Variants in PEDS1 observed in about 807,000 individuals in gnomAD.
The protein encoded by PEDS1 is CarF homolog.
In PEDS1, 14 loss-of-function variants were observed where a neutral mutation model predicts 35.2. The ratio of observed to expected loss-of-function variants is 0.40; its 90% CI spans 0.26 to 0.62. The LOEUF is 0.62. Among genes scored for constraint, PEDS1 ranks in the 20% least tolerant of loss-of-function variants. The pLI is 0.44. For missense variants in PEDS1, 260 were observed against 367.8 expected, an observed-to-expected ratio of 0.71 and a Z score of 2.40; for synonymous variants, 152 against 152.0, an observed-to-expected ratio of 1.00 and a Z score of 0.00.
At chr20:50,153,477 C>T in intron 1 of PEDS1, 40 bp downstream of exon 1, 1 of 1,305,052 alleles carries the variant, frequency 7.7e-7, no homozygotes, top group Non-Finnish European at 9.8e-7. Context: ...GCAGCCGGGG[C>T]TGGTGACCGC....
At position 50,142,691 on chromosome 20, in the gene PEDS1, C is replaced by CG. The variant is rs938727901; in HGVS notation, c.241+810_241+811insC. Among the ~76,000 whole-genome samples, 38 of 100,620 alleles carry CG rather than the reference C, an allele frequency of 3.8e-4. 6 individuals carry two copies. Among genetic ancestry groups the CG allele is most frequent in the African/African-American group, 9.8e-4 (27 of 27,514 alleles). 66.0% of individuals were successfully genotyped at this position (100,620 alleles called of 152,430 possible). On this transcript the variant is annotated intron_variant, in intron 2 of 5. Transcript: ENST00000371652. The stretch of plus-strand genomic sequence containing the variant: ...TGACCTCAAGTCATCCGCCCCCCCC[C>CG]CCCCGCCCCAACGGCCTCCCACAGT...
chr20:50,151,300 CAG>C (rs1434647905), intron 1 of PEDS1: 1 of 1,304,258 alleles, frequency 7.7e-7, no homozygotes, highest in South Asian at 1.2e-5. Flanking sequence ...GGCTGTTCTT[CAG>C]AGAGTGAAGG....
intron 2 of PEDS1, among the ~76,000 whole-genome samples, chr20:50,136,799 G>T (rs1432278216): frequency 6.6e-6 from 1 of 151,522 alleles, no homozygotes; most frequent in African/African-American, 2.4e-5. Flanking sequence ...CACTTTGGGA[G>T]GCCACGGTGG....
At chr20:50,142,503 T>C (rs112790553) in intron 2 of PEDS1, among the ~76,000 whole-genome samples, 1 of 152,278 alleles carries the variant, frequency 6.6e-6, no homozygotes, top group African/African-American at 2.4e-5. Context: ...TGTGGCGTGA[T>C]CTTGGCTCAC....
intron 2 of PEDS1, among the ~76,000 whole-genome samples, chr20:50,131,472 A>T (rs1353083766): frequency 6.6e-6 from 1 of 152,002 alleles, no homozygotes; most frequent in Admixed American, 6.6e-5. Flanking sequence ...AATCACAAAA[A>T]TTAGCCAGGT....
Position 50,124,590 on chromosome 20 carries a change from C to A in PEDS1, c.*468G>T. 6.4e-6 allele frequency: 1 copy of A among 157,038 alleles called. No individual in the cohort carries two copies. The highest frequency in any genetic ancestry group is 1.9e-4 in the South Asian group (1 of 5,302). The allele number at this position is 157,038 out of a possible 1,614,324, so 9.7% of individuals were successfully genotyped here. ...TGAAGGTGGTGGCTGGGGCTGTCCA[C>A]CTGCCCAGCCTCCCGGGGTCAGTAT... On this transcript the variant is annotated 3_prime_UTR_variant, in exon 6 of 6. Coordinates refer to ENST00000371652, the MANE Select transcript of PEDS1 (RefSeq NM_199129.4).
rs1438714879 is a variant in PEDS1 at position 50,125,041 on chromosome 20, T to C, written c.*17A>G. Reference sequence around the variant, plus strand: ...GGGCTAGGGAAGGTTGGCAACCAGGTAGCAGGCTCGGAGAAGTTATTTGAT... The same window carrying C: ...GGGCTAGGGAAGGTTGGCAACCAGGCAGCAGGCTCGGAGAAGTTATTTGAT... On this transcript the variant is annotated 3_prime_UTR_variant, in exon 6 of 6. Coordinates refer to ENST00000371652, the MANE Select transcript of PEDS1 (RefSeq NM_199129.4). 2 of 1,612,470 alleles carry C rather than the reference T, an allele frequency of 1.2e-6. No individual in the cohort carries two copies. The highest frequency in any genetic ancestry group is 2.2e-5 in the East Asian group (1 of 44,808).
At chr20:50,131,328 G>C (rs911788616) in intron 2 of PEDS1, among the ~76,000 whole-genome samples, 17 of 152,338 alleles carry the variant, frequency 1.1e-4, no homozygotes, top group African/African-American at 4.1e-4. Context: ...GTGTTAGAAA[G>C]AAAGTACCTC....
chr20:50,139,909 A>C (rs766667692), intron 2 of PEDS1, among the ~76,000 whole-genome samples: 32 of 151,834 alleles, frequency 2.1e-4, no homozygotes, highest in Non-Finnish European at 4.3e-4. Context: ...TACAGGTGTG[A>C]ACCACCATGC....
At chr20:50,150,503 C>T (rs1045467647) in intron 1 of PEDS1, among the ~76,000 whole-genome samples, 1 of 152,150 alleles carries the variant, frequency 6.6e-6, no homozygotes, top group African/African-American at 2.4e-5. Flanking sequence ...TCAGGCCTCA[C>T]TTCGAATGTC....
At chr20:50,130,989 C>T (rs2081172432) in intron 2 of PEDS1, 42 bp from the exon 3 acceptor site, 1 of 1,614,004 alleles carries the variant, frequency 6.2e-7, no homozygotes, top group African/African-American at 1.3e-5. Flanking sequence ...CCTGCACCCC[C>T]CCAATCAGAA....
At chr20:50,153,258 A>G (rs1437806676) in intron 1 of PEDS1, among the ~76,000 whole-genome samples, 1 of 151,484 alleles carries the variant, frequency 6.6e-6, no homozygotes, top group East Asian at 1.9e-4. Flanking sequence ...GTCCGATGGG[A>G]GCTCCGTTTG....
At chr20:50,153,248 G>T (rs961017457) in intron 1 of PEDS1, among the ~76,000 whole-genome samples, 17 of 152,152 alleles carry the variant, frequency 1.1e-4, no homozygotes, top group African/African-American at 3.9e-4. Flanking sequence ...GTATCTGCGG[G>T]TCCGATGGGA....
At position 50,129,594 on chromosome 20, in the gene PEDS1, G is replaced by A. The variant is rs1002822272; in HGVS notation, c.430C>T (p.Leu144=). 4 of 1,614,010 alleles carry A rather than the reference G, an allele frequency of 2.5e-6. No individual in the cohort carries two copies. The highest frequency in any genetic ancestry group is 2.7e-5 in the African/African-American group (2 of 74,902). The change falls in exon 4 of 6, where the codon CTG becomes TTG. Residue 144 remains leucine (L), a synonymous_variant. Transcript: ENST00000371652. This position sits in a 1 kb window ranked among gnomAD's most constrained non-coding sequence, Gnocchi z 4.2. ...TAGGCCATGTTTAGCAGCGGCAGCA[G>A]TGTCACCAGGCAGTTGTCCCCGTTG... The part of the protein sequence containing the change: ...ETNGDNCLVT[L]LPLLNMAYKF...
Position 50,128,966 on chromosome 20 carries a change from C to G in PEDS1, c.478+580G>C, listed in dbSNP as rs999036143. ...GTGCCATAGCACCCACTACACTACA[C>G]GTCCTCACCACCTCTACCCACCGGA... On this transcript the variant is annotated intron_variant, in intron 4 of 5. Transcript: ENST00000371652. This position sits in a 1 kb window ranked among gnomAD's most constrained non-coding sequence, Gnocchi z 5.2. Among the ~76,000 whole-genome samples the G allele has an allele frequency of 6.6e-6, 1 of 152,198 alleles. No homozygotes were observed.
intron 2 of PEDS1, among the ~76,000 whole-genome samples, chr20:50,143,126 G>A (rs187106441): frequency 3.3e-5 from 5 of 152,270 alleles, no homozygotes; most frequent in Non-Finnish European, 7.3e-5. Context: ...GTGAAGGCAG[G>A]GAGACCAGGA....
Position 50,127,357 on chromosome 20 carries a change from T to C in PEDS1, c.691+618A>G, listed in dbSNP as rs1316826497. Among the ~76,000 whole-genome samples the C allele has an allele frequency of 4.8e-5, 7 of 145,480 alleles. No individual in the cohort carries two copies. The East Asian group carries it at 1.4e-3, about 30-fold the overall frequency. On this transcript the variant is annotated intron_variant, in intron 5 of 5. Transcript: ENST00000371652. The stretch of plus-strand genomic sequence containing the variant: ...GTTTTCTGGTTTTTTTTTTTTTTTT[T>C]TTTTTTTTGAGACAGTCTCTGTCAC...
intron 2 of PEDS1, among the ~76,000 whole-genome samples, chr20:50,139,569 T>G (rs1385187887): frequency 4.6e-5 from 7 of 151,458 alleles, no homozygotes; most frequent in Admixed American, 4.6e-4. Context: ...CCTTGCTGGC[T>G]CTTCCTCCTC....
At chr20:50,141,886 C>T (rs1337260133) in intron 2 of PEDS1, among the ~76,000 whole-genome samples, 9 of 152,172 alleles carry the variant, frequency 5.9e-5, no homozygotes, top group Non-Finnish European at 1.2e-4. Flanking sequence ...GGCCTGAGCA[C>T]TATTGGCTTA....
Sources: allele counts gnomAD v4.1 joint callset (sites outside exome capture counted in the v4.1 genomes callset), GRCh38; gene constraint gnomAD v4.1.1; non-coding constraint Gnocchi (gnomAD v3.1); transcripts MANE v1.5; gene names NCBI Gene and HGNC (gene_info 2026-07-23, HGNC 2026-07-21).